The following DOCK9 variants were observed in gnomAD, a reference collection of about 807,000 sequenced individuals.
DOCK9 encodes dedicator of cytokinesis protein 9.
Under a neutral mutation model 263.3 loss-of-function variants are expected in DOCK9, and 89 were observed. The ratio of observed to expected loss-of-function variants is 0.34; its 90% CI spans 0.28 to 0.40. The LOEUF (loss-of-function observed/expected upper bound fraction) is 0.40. Among genes scored for constraint, DOCK9 ranks in the 10% least tolerant of loss-of-function variants. The probability of loss-of-function intolerance (pLI) is 1.00; values close to 1 mark genes in which losing one functional copy is unlikely to be tolerated. For synonymous variants in DOCK9, 976 were observed against 973.1 expected (o/e 1.00, Z -0.06); for missense variants, 2,140 against 2,603.4 (o/e 0.82, Z 3.87).
upstream of DOCK9, among the ~76,000 whole-genome samples, chr13:98,979,230 A>AGTAGTAGTAGTAGCG (rs1469428296): frequency 8.6e-6 from 1 of 116,102 alleles, no homozygotes; most frequent in Non-Finnish European, 1.8e-5. Context: ...TAGTAGTAGT[A>AGTAGTAGTAGTAGCG]GCAGCAGCGG....
intron 7 of DOCK9, 132 bp downstream of exon 7, chr13:98,920,822 A>C: frequency 1.1e-6 from 1 of 890,266 alleles, no homozygotes; most frequent in Non-Finnish European, 1.6e-6. Flanking sequence ...GGCTTGCCTC[A>C]TTTAAAGTTA....
At chr13:99,006,157 A>G (rs945926882) in intron 1 of DOCK9, among the ~76,000 whole-genome samples, 1 of 152,210 alleles carries the variant, frequency 6.6e-6, no homozygotes, top group Non-Finnish European at 1.5e-5. Context: ...CGTGATGAAG[A>G]TAACGAAGGA....
intron 1 of DOCK9, among the ~76,000 whole-genome samples, chr13:99,025,804 C>T (rs1435161023): frequency 6.6e-6 from 1 of 152,184 alleles, no homozygotes; most frequent in Non-Finnish European, 1.5e-5. Context: ...AAATGTCCAT[C>T]AATTGATAAA....
chr13:99,004,784 G>GACACAC (rs10533387), intron 1 of DOCK9, among the ~76,000 whole-genome samples: 3,657 of 148,120 alleles, frequency 0.025, 59 homozygotes, highest in Non-Finnish European at 0.034. Context: ...AAAAACTATA[G>GACACAC]ACACACACAC....
At chr13:98,876,746 C>T (rs2043919382) in intron 27 of DOCK9, among the ~76,000 whole-genome samples, 1 of 152,196 alleles carries the variant, frequency 6.6e-6, no homozygotes, top group Non-Finnish European at 1.5e-5. Flanking sequence ...GTTAGAGGAG[C>T]TCTCAGCTCA....
At chr13:98,872,233 CTT>C in intron 27 of DOCK9, among the ~76,000 whole-genome samples, 1 of 152,282 alleles carries the variant, frequency 6.6e-6, no homozygotes, top group Non-Finnish European at 1.5e-5. Context: ...GTAAATAAGA[CTT>C]TTAATTAAGA....
In DOCK9 at chr13:98,863,463, G is replaced by T. The variant is rs778359767; in HGVS notation, c.3372C>A (p.Ala1124=). The change falls in exon 31 of 53, where the codon GCC becomes GCA. Residue 1124 remains alanine, a synonymous_variant. Transcript: ENST00000682017. ...GACGGACCTCCCGGAACTCCTGGAG[G>T]GCTGTCCCCACCTCCCTCAGTAACA... is the stretch of plus-strand genomic sequence containing the variant. ...VGLLLREVGT[A]LQEFREVRLI... The T allele has an allele frequency of 6.2e-7, 1 of 1,613,926 alleles. No homozygotes were observed. The highest frequency in any genetic ancestry group is 1.1e-5 in the South Asian group (1 of 91,078).
intron 1 of DOCK9, among the ~76,000 whole-genome samples, chr13:99,069,133 C>A (rs530760485): frequency 6.6e-6 from 1 of 152,114 alleles, no homozygotes; most frequent in Admixed American, 6.5e-5. Flanking sequence ...GGTTAATAGG[C>A]CTAGGGAGGT....
chr13:98,903,503 G>A (rs554023930), intron 10 of DOCK9, among the ~76,000 whole-genome samples: 48 of 151,738 alleles, frequency 3.2e-4, no homozygotes, highest in Admixed American at 5.9e-4. Flanking sequence ...CTGAGGCTGA[G>A]GCAGGAGAAT....
At chr13:98,913,961 G>A (rs1240170611) in intron 9 of DOCK9, among the ~76,000 whole-genome samples, 2 of 152,098 alleles carry the variant, frequency 1.3e-5, no homozygotes, top group Admixed American at 6.5e-5. Flanking sequence ...CTTTGGAACC[G>A]TGTCTATTAC....
intron 1 of DOCK9, among the ~76,000 whole-genome samples, chr13:98,985,992 AGG>A (rs942273187): frequency 9.8e-5 from 15 of 152,368 alleles, no homozygotes; most frequent in African/African-American, 3.6e-4. Flanking sequence ...ACAAATGCTG[AGG>A]TTAAGGGCCA....
intron 2 of DOCK9, among the ~76,000 whole-genome samples, chr13:98,932,404 C>CAACA (rs147642560): frequency 0.071 from 10,646 of 150,756 alleles, 513 homozygotes; most frequent in African/African-American, 0.14. Context: ...CAAAAAACAA[C>CAACA]AACAAACAAA....
chr13:99,005,312 CT>C (rs1185359923), intron 1 of DOCK9, among the ~76,000 whole-genome samples: 1 of 152,228 alleles, frequency 6.6e-6, no homozygotes. Flanking sequence ...AATTCAGCAA[CT>C]TACGCAGTAC....
rs548561790 is a variant in DOCK9 at position 99,018,194 on chromosome 13, T to A, written c.130-62643A>T. Reference sequence around the variant, plus strand: ...CATGAGTTAGAAACTTAATCTTCAATGGACAGTGCTGGGAAGTGGGACCTT... The same window carrying A: ...CATGAGTTAGAAACTTAATCTTCAAAGGACAGTGCTGGGAAGTGGGACCTT... On this transcript the variant is annotated intron_variant, in intron 1 of 32. Transcript: ENST00000427887. 2.6e-5 allele frequency among the ~76,000 whole-genome samples: 4 copies of A among 152,240 alleles called. No individual in the cohort carries two copies. The South Asian group carries it at 8.3e-4, about 31-fold the overall frequency.
chr13:99,078,314 T>C (rs938215195), intron 1 of DOCK9, among the ~76,000 whole-genome samples: 7 of 151,910 alleles, frequency 4.6e-5, no homozygotes, highest in African/African-American at 1.7e-4. Context: ...AAACCAGTGG[T>C]GGAGAAGAGA....
At chr13:99,062,841 C>T (rs1483204710) in intron 1 of DOCK9, among the ~76,000 whole-genome samples, 2 of 152,192 alleles carry the variant, frequency 1.3e-5, no homozygotes, top group African/African-American at 2.4e-5. Flanking sequence ...CCCAGGACCG[C>T]GCCAGTTCAG....
intron 1 of DOCK9, among the ~76,000 whole-genome samples, chr13:98,999,010 C>T (rs917021620): frequency 1.3e-5 from 2 of 152,158 alleles, no homozygotes; most frequent in African/African-American, 4.8e-5. Context: ...ATCACCTAAC[C>T]ACAGATAACA....
chr13:98,957,229 T>G (rs2058159799), intron 1 of DOCK9, among the ~76,000 whole-genome samples: 1 of 152,224 alleles, frequency 6.6e-6, no homozygotes, highest in East Asian at 1.9e-4. Context: ...GACCGCCTGC[T>G]TAAACAGGCA....
intron 27 of DOCK9, among the ~76,000 whole-genome samples, chr13:98,869,016 C>A (rs1320096242): frequency 6.6e-6 from 1 of 152,208 alleles, no homozygotes; most frequent in Non-Finnish European, 1.5e-5. Flanking sequence ...CAAGAACCTG[C>A]ATTTTTACTG....
Sources: gnomAD v4.1 joint callset for allele counts (sites outside exome capture counted in the v4.1 genomes callset) on GRCh38, gnomAD v4.1.1 for gene constraint, MANE v1.5 for transcripts, NCBI Gene and HGNC (gene_info 2026-07-23, HGNC 2026-07-21) for gene names.